The following PIK3R6 variants were observed in gnomAD, a reference collection of about 807,000 sequenced individuals.
The protein encoded by PIK3R6 is phosphoinositide-3-kinase regulatory subunit 6.
PIK3R6 carries 91 observed loss-of-function variants against 84.9 expected under a neutral mutation model. That is an observed-to-expected ratio of 1.07 (90% confidence interval 0.90 to 1.28). The LOEUF (loss-of-function observed/expected upper bound fraction) is 1.28. Among genes scored for constraint, PIK3R6 ranks in the 50% most tolerant of loss-of-function variants. PIK3R6 has a pLI of 0.00. For missense variants in PIK3R6, 996 were observed against 985.1 expected (o/e 1.01, Z -0.15); for synonymous variants, 416 against 411.4 (o/e 1.01, Z -0.13).
chr17:8,864,759 G>A (rs1174218449), intron 1 of PIK3R6, among the ~76,000 whole-genome samples: 1 of 151,886 alleles, frequency 6.6e-6, no homozygotes, highest in East Asian at 1.9e-4. Flanking sequence ...GGATGGTCTC[G>A]ATCTCTTGAC....
intron 8 of PIK3R6, among the ~76,000 whole-genome samples, chr17:8,833,895 G>A (rs555608324): frequency 2.6e-5 from 4 of 151,878 alleles, no homozygotes; most frequent in East Asian, 3.9e-4. Context: ...GCAGCCCAGC[G>A]CGGTGGCTCA....
At chr17:8,808,603 G>C (rs2087269321) in intron 18 of PIK3R6, among the ~76,000 whole-genome samples, 1 of 152,210 alleles carries the variant, frequency 6.6e-6, no homozygotes, top group Non-Finnish European at 1.5e-5. Context: ...TGAGTTTGTG[G>C]TATTGTGGGA....
At chr17:8,809,054 T>C (rs1321648436) in intron 18 of PIK3R6, among the ~76,000 whole-genome samples, 1 of 152,164 alleles carries the variant, frequency 6.6e-6, no homozygotes. Context: ...CAAATATACA[T>C]ATTTTGTCTA....
intron 12 of PIK3R6, among the ~76,000 whole-genome samples, chr17:8,827,763 G>GAGAGAGAGA (rs1555532361): frequency 2.9e-5 from 1 of 34,828 alleles, no homozygotes; most frequent in African/African-American, 1.1e-4. Context: ...GAGAGAGAGA[G>GAGAGAGAGA]GAGAGAGAGA....
At position 8,803,383 on chromosome 17, in the gene PIK3R6, A is replaced by G. The variant is rs1273678273; in HGVS notation, c.2155T>C (p.Ser719Pro). 1.2e-6 allele frequency: 2 copies of G among 1,613,196 alleles called. No homozygotes were observed. The highest frequency in any genetic ancestry group is 2.7e-5 in the African/African-American group (2 of 74,862). The change falls in exon 20 of 20, where the codon TCC (serine) becomes CCC (proline). Residue 719 changes from serine (S) to proline (P), a missense_variant. Transcript: ENST00000619866. The surrounding 1 kb of genome is among the most constrained non-coding windows in gnomAD (Gnocchi z 5.0). ...CPEPCSGAQKSKAPWLNLHGQ... is the reference protein window; with the variant it reads ...CPEPCSGAQKPKAPWLNLHGQ... ...TGCAAATTGAGCCACGGTGCCTTGG[A>G]CTTCTGGGCCCCAGAACATGGTTCT...
intron 1 of PIK3R6, among the ~76,000 whole-genome samples, chr17:8,866,860 T>C (rs2089425028): frequency 6.6e-6 from 1 of 152,136 alleles, no homozygotes; most frequent in East Asian, 1.9e-4. Context: ...AGACCCTCTT[T>C]GCAAGCAGTC....
rs1353198574 is a variant in PIK3R6 at position 8,803,519 on chromosome 17, C to CTAGAGCTGTTATTGTAGGGCA, written c.2109-111_2109-91dup. 67 of 1,311,574 alleles carry CTAGAGCTGTTATTGTAGGGCA rather than the reference C, an allele frequency of 5.1e-5. 2 individuals are homozygous for CTAGAGCTGTTATTGTAGGGCA. In the South Asian group the frequency reaches 9.0e-4, roughly 18 times the overall value. 81.2% of individuals were successfully genotyped at this position (1,311,574 alleles called of 1,614,324 possible). On this transcript the variant is annotated intron_variant, in intron 19 of 19. Coordinates refer to ENST00000619866, the MANE Select transcript of PIK3R6 (RefSeq NM_001010855.4). This position sits in a 1 kb window ranked among gnomAD's most constrained non-coding sequence, Gnocchi z 5.0. ...AAAGGCAGAGCTGTTATTGTAGGGC[C>CTAGAGCTGTTATTGTAGGGCA]TAGAGCTGTTATTGTAGGGCATAGA...
intron 17 of PIK3R6, among the ~76,000 whole-genome samples, chr17:8,821,413 CT>C (rs2087728324): frequency 6.7e-6 from 1 of 149,498 alleles, no homozygotes; most frequent in Non-Finnish European, 1.5e-5. Flanking sequence ...TATCGCCATC[CT>C]TTGCATTATT....
rs1158465241 is a variant in PIK3R6 at position 8,839,775 on chromosome 17, G to A, written c.14-78C>T. 1.0e-5 allele frequency: 13 copies of A among 1,239,986 alleles called. No individual in the cohort carries two copies. The East Asian group carries it at 3.4e-4, about 32-fold the overall frequency. The allele number at this position is 1,239,986 out of a possible 1,614,324, so 76.8% of individuals were successfully genotyped here. Reference sequence around the variant, plus strand: ...TCCCACCTCCATTCCTTCCGAGAGTGTCTTTAGCCATTTCTCTGAGCCTCA... The same window carrying A: ...TCCCACCTCCATTCCTTCCGAGAGTATCTTTAGCCATTTCTCTGAGCCTCA... On this transcript the variant is annotated intron_variant, in intron 2 of 19. Coordinates refer to ENST00000619866, the MANE Select transcript of PIK3R6 (RefSeq NM_001010855.4). The surrounding 1 kb of genome is among the most constrained non-coding windows in gnomAD (Gnocchi z 4.2).
Position 8,828,834 on chromosome 17 carries a change from C to G in PIK3R6, c.1046G>C (p.Gly349Ala), listed in dbSNP as rs761184464. The G allele has an allele frequency of 2.5e-6, 4 of 1,595,778 alleles. No individual in the cohort carries two copies. Among genetic ancestry groups the G allele is most frequent in the South Asian group, 2.2e-5 (2 of 89,022 alleles). ...GCCGGGTGCAGGCAGCTCATCAGCC[C>G]CCGTGGGAAGGTCCCGCTCAATGCC... ...DSGIERDLPT[G>A]ADELPAPGSP... Residue 349 changes from glycine (G) to alanine (A), a missense_variant, in exon 11 of 20, where the codon GGG (glycine) becomes GCG (alanine). Transcript: ENST00000619866.
intron 15 of PIK3R6, 128 bp from the exon 16 acceptor site, chr17:8,822,785 G>GT: frequency 9.3e-7 from 1 of 1,077,092 alleles, no homozygotes; most frequent in Non-Finnish European, 1.4e-6. Flanking sequence ...GGATGGAAAG[G>GT]TGACACCTCC....
Position 8,804,059 on chromosome 17 carries a change from G to A in PIK3R6, c.2090C>T (p.Thr697Ile). 2 of 1,613,950 alleles carry A rather than the reference G, an allele frequency of 1.2e-6. No homozygotes were observed. The highest frequency in any genetic ancestry group is 1.7e-6 in the Non-Finnish European group (2 of 1,179,798). ...TLSLDKDDQR[T>I]FRDVVRFEVA... ...GCCTCACCTGACCACATCCCTGAAAGTGCGTTGATCGTCCTTGTCCAGCGA... is the reference window on the plus strand; with the variant it reads ...GCCTCACCTGACCACATCCCTGAAAATGCGTTGATCGTCCTTGTCCAGCGA... Residue 697 changes from threonine (T) to isoleucine (I), a missense_variant, in exon 19 of 20, where the codon ACT becomes ATT. By Grantham distance (89) the Thr-to-Ile change is moderately conservative. Coordinates refer to ENST00000619866, the MANE Select transcript of PIK3R6 (RefSeq NM_001010855.4).
chr17:8,813,745 A>C (rs534767920), intron 18 of PIK3R6, among the ~76,000 whole-genome samples: 1 of 152,336 alleles, frequency 6.6e-6, no homozygotes, highest in African/African-American at 2.4e-5. Flanking sequence ...GTAGCAATAG[A>C]AGGAACATAT....
chr17:8,816,953 A>T (rs938864607), intron 18 of PIK3R6, among the ~76,000 whole-genome samples: 1 of 152,232 alleles, frequency 6.6e-6, no homozygotes, highest in Admixed American at 6.5e-5. Flanking sequence ...ACCCCTAAGG[A>T]AATTGCTCAC....
chr17:8,858,995 C>T (rs2089208720), intron 1 of PIK3R6, among the ~76,000 whole-genome samples: 1 of 149,094 alleles, frequency 6.7e-6, no homozygotes, highest in East Asian at 2.0e-4. Context: ...GTCTGCTCCT[C>T]CACCCAACTG....
At chr17:8,825,346 A>C (rs74878087) in intron 13 of PIK3R6, among the ~76,000 whole-genome samples, 3,540 of 152,352 alleles carry the variant, frequency 0.023, 153 homozygotes, top group African/African-American at 0.081. Context: ...TCAGGAAGAG[A>C]AATAAGCATA....
At chr17:8,827,110 C>T in intron 13 of PIK3R6, 62 bp downstream of exon 13, 1 of 1,564,816 alleles carries the variant, frequency 6.4e-7, no homozygotes, top group Non-Finnish European at 8.7e-7. Flanking sequence ...CTCCGTTCTC[C>T]CCTCTGCCCA....
At chr17:8,829,573 CACAG>C (rs1337550950) in intron 10 of PIK3R6, 129 bp downstream of exon 10, 20 of 956,800 alleles carry the variant, frequency 2.1e-5, no homozygotes, top group Non-Finnish European at 2.8e-5. Context: ...CACATACACA[CACAG>C]ACACACTGAC....
chr17:8,846,183 A>G (rs1012726155), intron 2 of PIK3R6, among the ~76,000 whole-genome samples: 1 of 152,202 alleles, frequency 6.6e-6, no homozygotes, highest in African/African-American at 2.4e-5. Flanking sequence ...GCATATGGCT[A>G]GCCAGTTATC....
Sources: gnomAD v4.1 joint callset for allele counts (sites outside exome capture counted in the v4.1 genomes callset) on GRCh38, gnomAD v4.1.1 for gene constraint, Gnocchi (gnomAD v3.1) non-coding constraint, MANE v1.5 for transcripts, NCBI Gene and HGNC (gene_info 2026-07-23, HGNC 2026-07-21) for gene names.